DAB1: variants seen among roughly 807,000 people sequenced by gnomAD.
DAB1 encodes the protein disabled homolog 1.
DAB1 carries 15 observed loss-of-function variants against 64.6 expected under a neutral mutation model. The observed-to-expected ratio is 0.23, with a 90% confidence interval of 0.16 to 0.36. DAB1 has a LOEUF of 0.36. DAB1 is among the 10% of genes least tolerant of loss of function. The pLI is 1.00. For missense variants in DAB1, 596 were observed against 706.7 expected (o/e 0.84, Z 1.78); for synonymous variants, 235 against 251.9 (o/e 0.93, Z 0.64).
intron 3 of DAB1, chr1:58,473,915 C>T (rs530068386): frequency 1.2e-5 from 14 of 1,134,004 alleles, no homozygotes; most frequent in African/African-American, 7.9e-5. Context: ...AGCTGTTGAG[C>T]GTTAACTCTG....
chr1:58,182,720 T>C (rs1382897047), intron 4 of DAB1, among the ~76,000 whole-genome samples: 1 of 152,048 alleles, frequency 6.6e-6, no homozygotes, highest in Non-Finnish European at 1.5e-5. Flanking sequence ...TTTTTAAACA[T>C]GGTTTGCTTT....
intron 7 of DAB1, among the ~76,000 whole-genome samples, chr1:57,495,114 T>A (rs1644214344): frequency 6.6e-6 from 1 of 152,198 alleles, no homozygotes; most frequent in South Asian, 2.1e-4. Context: ...CAAAACCAGC[T>A]TGGATCACAT....
At chr1:58,005,995 T>C (rs960796329) in intron 5 of DAB1, among the ~76,000 whole-genome samples, 3 of 152,130 alleles carry the variant, frequency 2.0e-5, no homozygotes, top group Non-Finnish European at 4.4e-5. Flanking sequence ...GCTGTTTGGT[T>C]GGCCTGTGCT....
At chr1:57,553,454 A>AAGAAAGAG (rs1644945751) in intron 7 of DAB1, among the ~76,000 whole-genome samples, 3 of 137,086 alleles carry the variant, frequency 2.2e-5, no homozygotes, top group Admixed American at 7.5e-5. Context: ...GAAAGAAAGA[A>AAGAAAGAG]AGAAAGAGAA....
chr1:58,161,744 T>C (rs185783541), intron 4 of DAB1, among the ~76,000 whole-genome samples: 1 of 152,286 alleles, frequency 6.6e-6, no homozygotes, highest in African/African-American at 2.4e-5. Flanking sequence ...TTCAAGGCCA[T>C]TCAGTTAGTA....
At chr1:57,949,166 G>A (rs569456354) in intron 5 of DAB1, among the ~76,000 whole-genome samples, 2 of 152,210 alleles carry the variant, frequency 1.3e-5, no homozygotes, top group African/African-American at 2.4e-5. Context: ...ATTTCCATGG[G>A]GGGGGCTGGG....
At chr1:57,693,060 G>A (rs1283954730) in intron 6 of DAB1, among the ~76,000 whole-genome samples, 2 of 150,806 alleles carry the variant, frequency 1.3e-5, no homozygotes, top group East Asian at 3.9e-4. Flanking sequence ...AGGCCATCAA[G>A]CTACAGATGG....
intron 5 of DAB1, among the ~76,000 whole-genome samples, chr1:57,900,015 T>C (rs993763146): frequency 2.6e-5 from 4 of 151,994 alleles, no homozygotes; most frequent in African/African-American, 9.7e-5. Context: ...CATAGTTAAC[T>C]GCAGCCTCTG....
At chr1:57,882,068 G>C (rs1307200675) in intron 1 of DAB1, among the ~76,000 whole-genome samples, 1 of 152,154 alleles carries the variant, frequency 6.6e-6, no homozygotes, top group African/African-American at 2.4e-5. Context: ...AAAACCTAAA[G>C]AGCCTTTAAA....
chr1:57,015,236 G>A lies in DAB1; in HGVS notation c.1091C>T (p.Ala364Val), dbSNP rs1186883392. 11 of 1,614,070 alleles carry A rather than the reference G, an allele frequency of 6.8e-6. No homozygotes were observed. The highest frequency in any genetic ancestry group is 2.2e-5 in the East Asian group (1 of 44,870). ...WPTVAGQFPP[A>V]AFMPTQTVMP... is the part of the protein sequence containing the mutation. ...AACAGTTTGTGTGGGCATGAAGGCG[G>A]CTGGCGGAAACTGCCCGGCCACAGT... Residue 364 changes from alanine (A) to valine (V), a missense_variant, in exon 12 of 15, where the codon GCC becomes GTC. By Grantham distance (64) the Ala-to-Val change is moderately conservative. Around this residue, in one of 3 missense-constraint regions of DAB1, gnomAD observed 377 missense variants for 400.4 expected, o/e 0.94. Transcript: ENST00000371236.
chr1:58,438,932 C>G (rs1002044551), intron 3 of DAB1, among the ~76,000 whole-genome samples: 11 of 152,118 alleles, frequency 7.2e-5, no homozygotes, highest in Non-Finnish European at 1.3e-4. Flanking sequence ...TTTGGAAGAA[C>G]TGGACCTAAG....
chr1:57,670,656 A>G (rs1411333474), intron 6 of DAB1, among the ~76,000 whole-genome samples: 1 of 152,156 alleles, frequency 6.6e-6, no homozygotes, highest in Non-Finnish European at 1.5e-5. Flanking sequence ...CCTATTGCCT[A>G]ATTATCATAA....
intron 7 of DAB1, among the ~76,000 whole-genome samples, chr1:57,445,266 A>G (rs1686097591): frequency 1.3e-5 from 2 of 152,186 alleles, no homozygotes; most frequent in South Asian, 2.1e-4. Context: ...TTTTTAGAGC[A>G]TACATATATA....
chr1:57,196,073 A>G (rs938223773), intron 2 of DAB1, among the ~76,000 whole-genome samples: 65 of 152,160 alleles, frequency 4.3e-4, no homozygotes, highest in African/African-American at 1.5e-3. Context: ...AGTGGGATGA[A>G]GAAGGGCCAA....
intron 2 of DAB1, among the ~76,000 whole-genome samples, chr1:57,189,860 A>AG (rs397860555): frequency 2.7e-5 from 4 of 148,658 alleles, no homozygotes; most frequent in Non-Finnish European, 6.0e-5. Flanking sequence ...AAAAAAAAAA[A>AG]CACAACAGAA....
chr1:58,220,027 A>G (rs1659074392), intron 4 of DAB1, among the ~76,000 whole-genome samples: 1 of 152,234 alleles, frequency 6.6e-6, no homozygotes, highest in South Asian at 2.1e-4. Context: ...TGCGTATTAA[A>G]TGAGATAACA....
chr1:57,558,094 C>T (rs561397871), intron 7 of DAB1, among the ~76,000 whole-genome samples: 35 of 152,232 alleles, frequency 2.3e-4, no homozygotes, highest in African/African-American at 4.6e-4. Context: ...AAGAATGGGA[C>T]GCTGAAACTT....
chr1:57,995,547 G>T (rs1476956476), intron 5 of DAB1, among the ~76,000 whole-genome samples: 1 of 152,222 alleles, frequency 6.6e-6, no homozygotes, highest in Admixed American at 6.5e-5. Context: ...ATGCCAGTTG[G>T]TTATTAATAA....
chr1:58,340,681 A>G (rs892360182), intron 4 of DAB1, among the ~76,000 whole-genome samples: 6 of 152,180 alleles, frequency 3.9e-5, no homozygotes, highest in African/African-American at 1.4e-4. Context: ...CCTACCCTAC[A>G]TGGAAACACA....
Sources: allele counts gnomAD v4.1 joint callset (sites outside exome capture counted in the v4.1 genomes callset), GRCh38; gene constraint gnomAD v4.1.1; regional missense constraint gnomAD v4.1.1; transcripts MANE v1.5; gene names NCBI Gene and HGNC (gene_info 2026-07-23, HGNC 2026-07-21).